CADM2: variants seen among roughly 807,000 people sequenced by gnomAD.
The protein encoded by CADM2 is immunoglobulin superfamily member 4D.
Under a neutral mutation model 49.8 loss-of-function variants are expected in CADM2, and 12 were observed. The observed-to-expected ratio is 0.24, with a 90% CI of 0.15 to 0.39. The LOEUF (loss-of-function observed/expected upper bound fraction) is 0.39. CADM2 is among the 10% of genes least tolerant of loss of function. The pLI, the probability that CADM2 is intolerant of heterozygous loss-of-function variation, is 1.00. For synonymous variants in CADM2, 214 were observed against 175.4 expected (o/e 1.22, Z -1.74); for missense variants, 378 against 492.3 (o/e 0.77, Z 2.20).
intron 3 of CADM2, among the ~76,000 whole-genome samples, chr3:85,880,415 T>G (rs190897885): frequency 3.9e-5 from 6 of 152,320 alleles, no homozygotes; most frequent in Non-Finnish European, 7.4e-5. Context: ...TCTTTCTTCT[T>G]GATGCGTCAA....
intron 6 of CADM2, 27 bp downstream of exon 6, chr3:85,912,570 T>C: frequency 6.3e-7 from 1 of 1,592,076 alleles, no homozygotes; most frequent in Non-Finnish European, 8.6e-7. Context: ...TCCCCCTCCT[T>C]TATCTCAGCA....
intron 1 of CADM2, among the ~76,000 whole-genome samples, chr3:85,662,013 G>A (rs1185148238): frequency 1.3e-5 from 2 of 151,828 alleles, no homozygotes; most frequent in Non-Finnish European, 2.9e-5. Context: ...ATTCAAAAAA[G>A]ATTTAATATA....
intron 1 of CADM2, among the ~76,000 whole-genome samples, chr3:85,714,534 C>T (rs1488778396): frequency 6.6e-6 from 1 of 152,096 alleles, no homozygotes; most frequent in East Asian, 1.9e-4. Context: ...TCACACCATT[C>T]TCCTGCCTCA....
chr3:85,248,009 C>T (rs1409634726), intron 1 of CADM2, among the ~76,000 whole-genome samples: 2 of 152,092 alleles, frequency 1.3e-5, no homozygotes, highest in African/African-American at 4.8e-5. Context: ...AATTCATCAT[C>T]TTCTTTCAGC....
intron 1 of CADM2, among the ~76,000 whole-genome samples, chr3:85,232,795 G>A (rs2042324094): frequency 6.6e-6 from 1 of 152,168 alleles, no homozygotes; most frequent in Non-Finnish European, 1.5e-5. Context: ...TGGATGTTAA[G>A]AGTGCAAAAT....
chr3:85,892,304 A>G (rs1429968805), intron 5 of CADM2, among the ~76,000 whole-genome samples: 4 of 152,230 alleles, frequency 2.6e-5, no homozygotes, highest in African/African-American at 9.6e-5. Flanking sequence ...AATGACTTGG[A>G]TAATGAATGT....
chr3:85,273,159 T>C (rs760901254), intron 1 of CADM2, among the ~76,000 whole-genome samples: 16 of 151,188 alleles, frequency 1.1e-4, no homozygotes, highest in African/African-American at 3.4e-4. Flanking sequence ...TCATGCTTAG[T>C]ATGTTTAAGG....
chr3:86,054,542 C>T (rs1339651668), intron 8 of CADM2, among the ~76,000 whole-genome samples: 14 of 152,022 alleles, frequency 9.2e-5, no homozygotes, highest in Non-Finnish European at 2.1e-4. Context: ...CATGGATAAA[C>T]ATCACAGTCA....
chr3:85,380,843 T>C (rs1280389538), intron 1 of CADM2, among the ~76,000 whole-genome samples: 2 of 152,066 alleles, frequency 1.3e-5, no homozygotes, highest in Admixed American at 6.6e-5. Flanking sequence ...GTAAAAAGTA[T>C]ATCATAGATT....
At chr3:85,011,660 G>A (rs1042269324) in intron 1 of CADM2, among the ~76,000 whole-genome samples, 1 of 152,000 alleles carries the variant, frequency 6.6e-6, no homozygotes, top group Admixed American at 6.6e-5. Flanking sequence ...CCTTTTGGGG[G>A]CCAACACAGG....
chr3:85,953,712 T>G (rs1723718017), intron 7 of CADM2, among the ~76,000 whole-genome samples: 1 of 150,988 alleles, frequency 6.6e-6, no homozygotes, highest in South Asian at 2.1e-4. Context: ...TATTTTAGTT[T>G]TTTATACACC....
intron 1 of CADM2, among the ~76,000 whole-genome samples, chr3:85,134,509 G>T (rs1172190219): frequency 1.3e-5 from 2 of 152,230 alleles, no homozygotes. Context: ...GCTATGCCAT[G>T]AGCTATTCAT....
intron 1 of CADM2, among the ~76,000 whole-genome samples, chr3:85,309,208 GCTT>G (rs2044284898): frequency 6.6e-6 from 1 of 152,068 alleles, no homozygotes; most frequent in Admixed American, 6.6e-5. Context: ...GTCTAAATAC[GCTT>G]CTTCTGAAGC....
intron 1 of CADM2, among the ~76,000 whole-genome samples, chr3:85,090,710 C>T (rs965220832): frequency 6.6e-6 from 1 of 152,186 alleles, no homozygotes; most frequent in South Asian, 2.1e-4. Context: ...TGAGCATTAC[C>T]GCCTGAGCAC....
intron 1 of CADM2, among the ~76,000 whole-genome samples, chr3:85,682,881 C>A (rs1049346439): frequency 2.6e-5 from 4 of 151,856 alleles, no homozygotes; most frequent in African/African-American, 9.7e-5. Flanking sequence ...TTTTCACAAT[C>A]AGGGAAAAAT....
At chr3:85,444,475 C>G (rs1050605671) in intron 1 of CADM2, among the ~76,000 whole-genome samples, 2 of 150,198 alleles carry the variant, frequency 1.3e-5, no homozygotes, top group Admixed American at 1.3e-4. Flanking sequence ...ACACCCTTGC[C>G]CCAAGCCTTT....
intron 7 of CADM2, among the ~76,000 whole-genome samples, chr3:85,959,150 A>ATCTATCTC (rs141472491): frequency 1.6e-4 from 23 of 145,344 alleles, no homozygotes; most frequent in Non-Finnish European, 2.6e-4. Flanking sequence ...TTATCTATCT[A>ATCTATCTC]TCTCTCTCTC....
chr3:85,389,159 A>G (rs2034396386), intron 1 of CADM2, among the ~76,000 whole-genome samples: 1 of 152,102 alleles, frequency 6.6e-6, no homozygotes, highest in Admixed American at 6.5e-5. Flanking sequence ...CCATAGAGTA[A>G]TTGAATAGAA....
chr3:85,157,188 G>T (rs190446696), intron 1 of CADM2, among the ~76,000 whole-genome samples: 1 of 152,206 alleles, frequency 6.6e-6, no homozygotes, highest in African/African-American at 2.4e-5. Context: ...GGAAATAAAA[G>T]AGGATACAAA....
Sources: gnomAD v4.1 joint callset for allele counts (sites outside exome capture counted in the v4.1 genomes callset) on GRCh38, gnomAD v4.1.1 for gene constraint, MANE v1.5 for transcripts, NCBI Gene and HGNC (gene_info 2026-07-23, HGNC 2026-07-21) for gene names.